ZDHHC20: variants seen among roughly 807,000 people sequenced by gnomAD.
ZDHHC20 encodes the protein palmitoyltransferase ZDHHC20.
ZDHHC20 carries 43 observed loss-of-function variants against 57.8 expected under a neutral mutation model. The ratio of observed to expected loss-of-function variants is 0.74; its 90% CI spans 0.58 to 0.96. The LOEUF is 0.96. ZDHHC20 is among the 40% of genes least tolerant of loss of function. The pLI is 0.00. For synonymous variants in ZDHHC20, 157 were observed against 153.0 expected, an observed-to-expected ratio of 1.03 and a Z score of -0.19; for missense variants, 391 against 441.1, an observed-to-expected ratio of 0.89 and a Z score of 1.02.
At chr13:21,408,751 T>C (rs1878803488) in intron 4 of ZDHHC20, among the ~76,000 whole-genome samples, 1 of 152,224 alleles carries the variant, frequency 6.6e-6, no homozygotes, top group African/African-American at 2.4e-5. Flanking sequence ...TGTGGGTTTG[T>C]CATAAATAGG....
chr13:21,431,587 T>C (rs567785718), intron 1 of ZDHHC20, among the ~76,000 whole-genome samples: 6 of 152,232 alleles, frequency 3.9e-5, no homozygotes, highest in African/African-American at 7.2e-5. Context: ...CACAAAGTGT[T>C]TGGCACTTCC....
chr13:21,382,951 A>C lies in ZDHHC20; in HGVS notation c.913T>G (p.Ser305Ala). 2 of 1,564,868 alleles carry C rather than the reference A, an allele frequency of 1.3e-6. No individual in the cohort carries two copies. Among genetic ancestry groups the C allele is most frequent in the Non-Finnish European group, 1.7e-6 (2 of 1,153,612 alleles). The change falls in exon 10 of 13, where the codon TCT becomes GCT. Residue 305 changes from serine (S) to alanine (A), a missense_variant. Physicochemically the swap from Ser to Ala is moderately conservative, Grantham distance 99. Around this residue, in one of 3 missense-constraint regions of ZDHHC20, gnomAD observed 197 missense variants for 220.8 expected, o/e 0.89. Transcript: ENST00000400590. Reference protein sequence around the residue: ...RLVGMDPEQASVTNQNEYARS... With the variant: ...RLVGMDPEQAAVTNQNEYARS... ...GCATACTCATTCTGGTTTGTAACAGAAGCTTGTTCTGGATCCATCCCCACA... is the reference window on the plus strand; with the variant it reads ...GCATACTCATTCTGGTTTGTAACAGCAGCTTGTTCTGGATCCATCCCCACA...
intron 1 of ZDHHC20, among the ~76,000 whole-genome samples, chr13:21,439,073 GCTTT>G (rs879803120): frequency 6.6e-6 from 1 of 152,138 alleles, no homozygotes; most frequent in Non-Finnish European, 1.5e-5. Context: ...TGTATGACTT[GCTTT>G]ATTTTGATAT....
chr13:21,378,960 T>C (rs1051190625), intron 11 of ZDHHC20, among the ~76,000 whole-genome samples: 1 of 152,198 alleles, frequency 6.6e-6, no homozygotes, highest in Non-Finnish European at 1.5e-5. Context: ...GAAATACCTA[T>C]TGGCTTTAAA....
chr13:21,441,594 A>G (rs191981136), intron 1 of ZDHHC20, among the ~76,000 whole-genome samples: 4 of 114,212 alleles, frequency 3.5e-5, no homozygotes, highest in East Asian at 6.5e-4. Flanking sequence ...TAGTAGAGAC[A>G]GGGTTTCACC....
At chr13:21,403,998 G>A (rs1391225598) in intron 4 of ZDHHC20, among the ~76,000 whole-genome samples, 1 of 152,056 alleles carries the variant, frequency 6.6e-6, no homozygotes, top group Admixed American at 6.6e-5. Context: ...GGGAGAATGA[G>A]GATTCTAATC....
At chr13:21,435,386 G>A (rs1374018897) in intron 1 of ZDHHC20, among the ~76,000 whole-genome samples, 2 of 151,708 alleles carry the variant, frequency 1.3e-5, no homozygotes, top group Non-Finnish European at 2.9e-5. Flanking sequence ...CAATTCCAGG[G>A]GCAGGAAAAG....
chr13:21,386,228 G>A (rs1052017118), intron 9 of ZDHHC20, among the ~76,000 whole-genome samples: 1 of 152,142 alleles, frequency 6.6e-6, no homozygotes, highest in Non-Finnish European at 1.5e-5. Flanking sequence ...AGTGAGCTGT[G>A]GGAGGACTGT....
chr13:21,440,896 A>G (rs888186313), intron 1 of ZDHHC20, among the ~76,000 whole-genome samples: 3 of 152,162 alleles, frequency 2.0e-5, no homozygotes, highest in East Asian at 1.9e-4. Flanking sequence ...TTAAAAAAAA[A>G]AGAGAGAGAG....
Position 21,387,624 on chromosome 13 carries a change from G to A in ZDHHC20, c.738C>T (p.Arg246=), listed in dbSNP as rs374043325. The A allele has an allele frequency of 8.1e-5, 118 of 1,461,334 alleles. No individual in the cohort carries two copies. Among genetic ancestry groups the A allele is most frequent in the African/African-American group, 2.6e-4 (18 of 69,586 alleles). The allele number at this position is 1,461,334 out of a possible 1,614,324, so 90.5% of individuals were successfully genotyped here. ...CAGGTCCGTATGAAAACGTGGGTGC[G>A]CGGAATGATTCTGTTAAATATACAT... The part of the protein sequence containing the change: ...GKNRTTIESF[R]APTFSYGPDG... The change falls in exon 9 of 13, where the codon CGC becomes CGT. Residue 246 remains arginine (R), a synonymous_variant. Coordinates refer to ENST00000400590, the MANE Select transcript of ZDHHC20 (RefSeq NM_001330059.2).
At chr13:21,399,606 T>C (rs1877323736) in intron 7 of ZDHHC20, among the ~76,000 whole-genome samples, 1 of 152,156 alleles carries the variant, frequency 6.6e-6, no homozygotes, top group South Asian at 2.1e-4. Flanking sequence ...TTGTCCATGT[T>C]ATACAAAATC....
rs1872037886 is a variant in ZDHHC20 at position 21,376,150 on chromosome 13, A to G, written c.*546T>C. 1 of 152,254 alleles carries G rather than the reference A, an allele frequency of 6.6e-6. No homozygotes were observed. Among genetic ancestry groups the G allele is most frequent in the African/African-American group, 2.4e-5 (1 of 41,462 alleles). The allele number at this position is 152,254 out of a possible 1,614,324, so 9.4% of individuals were successfully genotyped here. A position where few individuals can be genotyped will look rare whatever the true frequency, so the allele number is the denominator to read the frequency against. On this transcript the variant is annotated 3_prime_UTR_variant, in exon 13 of 13. Coordinates refer to ENST00000400590, the MANE Select transcript of ZDHHC20 (RefSeq NM_001330059.2). ...TAAAAAAAGTTATTAAAAATGTTGA[A>G]AAGTATAAAATAGTAATTATAAATT... is the stretch of plus-strand genomic sequence containing the variant.
intron 4 of ZDHHC20, among the ~76,000 whole-genome samples, chr13:21,408,030 T>C (rs185357183): frequency 3.9e-5 from 6 of 152,336 alleles, no homozygotes. Context: ...AGCCTTGTAG[T>C]ATAGTTTGAG....
intron 1 of ZDHHC20, among the ~76,000 whole-genome samples, chr13:21,432,544 A>C (rs1882092460): frequency 6.6e-6 from 1 of 152,014 alleles, no homozygotes; most frequent in Non-Finnish European, 1.5e-5. Flanking sequence ...ATGTTAGCCA[A>C]GGTGGTCTGG....
intron 7 of ZDHHC20, among the ~76,000 whole-genome samples, chr13:21,392,902 T>C (rs1876004816): frequency 6.6e-6 from 1 of 152,218 alleles, no homozygotes; most frequent in African/African-American, 2.4e-5. Flanking sequence ...TTATTAAACA[T>C]ATTCACTATA....
In ZDHHC20 at chr13:21,375,118, A is replaced by G. The variant is rs1871855923; in HGVS notation, c.*1578T>C. 3 of 456,218 alleles carry G rather than the reference A, an allele frequency of 6.6e-6. No individual in the cohort carries two copies. Among genetic ancestry groups the G allele is most frequent in the South Asian group, 1.5e-5 (1 of 64,558 alleles). The allele number at this position is 456,218 out of a possible 1,614,324, so 28.3% of individuals were successfully genotyped here. A position where few individuals can be genotyped will look rare whatever the true frequency, so the allele number is the denominator to read the frequency against. ...CACTGCACTCCTGCCTGGGAGACAG[A>G]GCAAAACTCTGTGGAAAAAAGAAGA... On this transcript the variant is annotated 3_prime_UTR_variant, in exon 13 of 13. Transcript: ENST00000400590.
intron 1 of ZDHHC20, among the ~76,000 whole-genome samples, chr13:21,431,693 G>T (rs1881976719): frequency 6.6e-6 from 1 of 152,044 alleles, no homozygotes; most frequent in South Asian, 2.1e-4. Context: ...AATATGCAGT[G>T]GTATCTTCAT....
intron 1 of ZDHHC20, among the ~76,000 whole-genome samples, chr13:21,454,686 A>G (rs754354305): frequency 2.6e-5 from 4 of 152,248 alleles, no homozygotes; most frequent in Non-Finnish European, 5.9e-5. Context: ...GGTTCTTTCA[A>G]TATCAATAAA....
chr13:21,375,132 GA>G lies in ZDHHC20; in HGVS notation c.*1563del, dbSNP rs771178992. On this transcript the variant is annotated 3_prime_UTR_variant, in exon 13 of 13. Coordinates refer to ENST00000400590, the MANE Select transcript of ZDHHC20 (RefSeq NM_001330059.2). ...CTGGGAGACAGAGCAAAACTCTGTG[GA>G]AAAAAGAAGAAAAAAATTTATTGGG... 4.4e-6 allele frequency: 2 copies of G among 456,098 alleles called. No individual in the cohort carries two copies. The highest frequency in any genetic ancestry group is 8.8e-6 in the Non-Finnish European group (2 of 226,828). The allele number at this position is 456,098 out of a possible 1,614,324, so 28.3% of individuals were successfully genotyped here.
Sources: allele counts gnomAD v4.1 joint callset (sites outside exome capture counted in the v4.1 genomes callset), GRCh38; gene constraint gnomAD v4.1.1; regional missense constraint gnomAD v4.1.1; transcripts MANE v1.5; gene names NCBI Gene and HGNC (gene_info 2026-07-23, HGNC 2026-07-21).